ZFAND3: variants seen among roughly 807,000 people sequenced by gnomAD.
ZFAND3 encodes the protein zinc finger AN1-type containing 3.
Under a neutral mutation model 29.6 loss-of-function variants are expected in ZFAND3, and 10 were observed. That is an observed-to-expected ratio of 0.34 (90% CI 0.21 to 0.57). The LOEUF (loss-of-function observed/expected upper bound fraction) is 0.57. Ranked by LOEUF, ZFAND3 falls within the 20% of genes least tolerant of loss-of-function variation. ZFAND3 has a pLI of 0.86. For missense variants in ZFAND3, 230 were observed against 304.5 expected (o/e 0.76, Z 1.82); for synonymous variants, 128 against 112.6 (o/e 1.14, Z -0.87).
chr6:37,905,307 CT>C (rs914069567), intron 1 of ZFAND3, among the ~76,000 whole-genome samples: 1 of 152,172 alleles, frequency 6.6e-6, no homozygotes, highest in Admixed American at 6.5e-5. Context: ...TTTTCATTCA[CT>C]AGATCCTGGG....
chr6:38,045,385 G>T (rs186908589), intron 2 of ZFAND3, among the ~76,000 whole-genome samples: 1 of 151,980 alleles, frequency 6.6e-6, no homozygotes, highest in Non-Finnish European at 1.5e-5. Context: ...CACTGTGCCC[G>T]GCCATTCCTA....
At chr6:37,870,183 C>G (rs1175358246) in intron 1 of ZFAND3, among the ~76,000 whole-genome samples, 1 of 150,160 alleles carries the variant, frequency 6.7e-6, no homozygotes, top group African/African-American at 2.5e-5. Context: ...GTGGCACACG[C>G]CTGTAGTCCC....
At chr6:38,151,476 C>T (rs1369303603) in intron 5 of ZFAND3, among the ~76,000 whole-genome samples, 3 of 151,188 alleles carry the variant, frequency 2.0e-5, no homozygotes, top group Admixed American at 1.3e-4. Context: ...ACCTCTCTCA[C>T]CTACCCAGTG....
rs1227220838 is a variant in ZFAND3 at position 37,883,957 on chromosome 6, T to C, written c.72-46002T>C. On this transcript the variant is annotated intron_variant, in intron 1 of 5. Coordinates refer to ENST00000287218, the MANE Select transcript of ZFAND3 (RefSeq NM_021943.3). ...CTTTAGCCAGAGTTTCTGAAGGTTATAGTCATCCTTGGTGGAGAAAACTTG... is the reference window on the plus strand; with the variant it reads ...CTTTAGCCAGAGTTTCTGAAGGTTACAGTCATCCTTGGTGGAGAAAACTTG... Among the ~76,000 whole-genome samples, 2 of 145,578 alleles carry C rather than the reference T, an allele frequency of 1.4e-5. 1 individual carries two copies. Among genetic ancestry groups the C allele is most frequent in the Non-Finnish European group, 3.0e-5 (2 of 67,516 alleles).
At chr6:37,926,663 C>T (rs1018494453) in intron 1 of ZFAND3, among the ~76,000 whole-genome samples, 1 of 152,124 alleles carries the variant, frequency 6.6e-6, no homozygotes, top group Non-Finnish European at 1.5e-5. Context: ...TTTTGGTAGC[C>T]ATTATTCAAC....
chr6:37,972,389 A>G (rs1223498908), intron 2 of ZFAND3, among the ~76,000 whole-genome samples: 2 of 150,434 alleles, frequency 1.3e-5, no homozygotes, highest in African/African-American at 4.9e-5. Context: ...TAATGGATAA[A>G]TCTTCTGTTA....
rs1174622481 is a variant in ZFAND3, at chr6:37,958,163, G to A, written c.112+28164G>A. 2.0e-5 allele frequency among the ~76,000 whole-genome samples: 3 copies of A among 152,114 alleles called. No individual in the cohort carries two copies. The East Asian group carries it at 5.8e-4, about 29-fold the overall frequency. On this transcript the variant is annotated intron_variant, in intron 2 of 5. Coordinates refer to ENST00000287218, the MANE Select transcript of ZFAND3 (RefSeq NM_021943.3). The stretch of plus-strand genomic sequence containing the variant: ...GTACAAAAATATGATTTTAAAAATT[G>A]CTCATTTAGGCTGGGCATGATGGCT...
At chr6:38,124,037 C>T (rs1300198262) in intron 5 of ZFAND3, among the ~76,000 whole-genome samples, 1 of 152,152 alleles carries the variant, frequency 6.6e-6, no homozygotes, top group East Asian at 1.9e-4. Context: ...GTCCATTTTA[C>T]AGAGCGCCAG....
intron 2 of ZFAND3, among the ~76,000 whole-genome samples, chr6:37,991,403 G>A (rs533207076): frequency 8.6e-5 from 13 of 150,878 alleles, no homozygotes; most frequent in African/African-American, 3.2e-4. Context: ...CCCAGACTGG[G>A]GTGCAGTGGT....
chr6:37,852,130 A>G (rs259713), intron 1 of ZFAND3, among the ~76,000 whole-genome samples: 45,558 of 152,124 alleles, frequency 0.3, 7,529 homozygotes, highest in Non-Finnish European at 0.38. Context: ...GACTGTAGCA[A>G]GTTATGTGAC....
intron 5 of ZFAND3, among the ~76,000 whole-genome samples, chr6:38,137,211 C>T (rs972683773): frequency 6.6e-6 from 1 of 152,174 alleles, no homozygotes; most frequent in Admixed American, 6.5e-5. Flanking sequence ...CTATGAATAA[C>T]GGCAATAGAA....
At chr6:38,133,338 AT>A (rs1318940702) in intron 5 of ZFAND3, among the ~76,000 whole-genome samples, 2 of 152,214 alleles carry the variant, frequency 1.3e-5, no homozygotes, top group African/African-American at 4.8e-5. Flanking sequence ...ACACTGTGAG[AT>A]CCCTGCGTCT....
intron 2 of ZFAND3, among the ~76,000 whole-genome samples, chr6:37,954,566 T>C (rs939430578): frequency 2.6e-5 from 4 of 151,940 alleles, no homozygotes; most frequent in Non-Finnish European, 4.4e-5. Flanking sequence ...ACACAGAATA[T>C]AGTTATTCCG....
At chr6:38,109,077 G>GC (rs1765263399) in intron 4 of ZFAND3, among the ~76,000 whole-genome samples, 1 of 151,468 alleles carries the variant, frequency 6.6e-6, no homozygotes, top group Non-Finnish European at 1.5e-5. Flanking sequence ...AGAAGGACTA[G>GC]CCAGCACAGG....
chr6:37,960,219 G>C (rs1762171437), intron 2 of ZFAND3, among the ~76,000 whole-genome samples: 2 of 152,178 alleles, frequency 1.3e-5, no homozygotes, highest in African/African-American at 4.8e-5. Flanking sequence ...CACTGAGCTG[G>C]TCAGCTTTAG....
At chr6:38,130,079 TTTG>T (rs1765714054) in intron 5 of ZFAND3, among the ~76,000 whole-genome samples, 2 of 152,042 alleles carry the variant, frequency 1.3e-5, no homozygotes, top group Admixed American at 6.6e-5. Context: ...GATGGTTTTT[TTTG>T]TTTGTTTTGT....
intron 4 of ZFAND3, among the ~76,000 whole-genome samples, chr6:38,107,571 C>T (rs1765233523): frequency 6.6e-6 from 1 of 152,224 alleles, no homozygotes; most frequent in South Asian, 2.1e-4. Flanking sequence ...GTGGCTCACA[C>T]CTGTAATCCC....
At chr6:37,999,542 C>G (rs531958121) in intron 2 of ZFAND3, among the ~76,000 whole-genome samples, 35 of 152,298 alleles carry the variant, frequency 2.3e-4, no homozygotes, top group African/African-American at 7.2e-4. Context: ...TGCATATACC[C>G]TTGATATGGT....
At chr6:37,926,772 A>G (rs1761492722) in intron 1 of ZFAND3, among the ~76,000 whole-genome samples, 1 of 152,178 alleles carries the variant, frequency 6.6e-6, no homozygotes, top group South Asian at 2.1e-4. Context: ...GCTTACTGTC[A>G]AAAAGAGAGC....
Sources: gnomAD v4.1 joint callset for allele counts (sites outside exome capture counted in the v4.1 genomes callset) on GRCh38, gnomAD v4.1.1 for gene constraint, MANE v1.5 for transcripts, NCBI Gene and HGNC (gene_info 2026-07-23, HGNC 2026-07-21) for gene names.